Variants in CNTNAP5 observed in about 807,000 individuals in gnomAD.
CNTNAP5 encodes contactin-associated protein-like 5.
Under a neutral mutation model 150.2 loss-of-function variants are expected in CNTNAP5, and 72 were observed. The observed-to-expected ratio is 0.48, with a 90% CI of 0.40 to 0.58. The LOEUF (loss-of-function observed/expected upper bound fraction) is 0.58, where lower values mean the gene tolerates loss of function less well. Ranked by LOEUF, CNTNAP5 falls within the 20% of genes least tolerant of loss-of-function variation. CNTNAP5 has a pLI of 0.00. For synonymous variants in CNTNAP5, 672 were observed against 619.8 expected (o/e 1.08, Z -1.25); for missense variants, 1,636 against 1,626.2 (o/e 1.01, Z -0.10).
At chr2:124,246,024 C>T (rs900262450) in intron 3 of CNTNAP5, among the ~76,000 whole-genome samples, 51 of 152,002 alleles carry the variant, frequency 3.4e-4, no homozygotes, top group African/African-American at 8.0e-4. Context: ...CTTGAGCCAC[C>T]GCACCTGGCC....
At chr2:124,218,318 A>G (rs1171695107) in intron 1 of CNTNAP5, among the ~76,000 whole-genome samples, 1 of 152,148 alleles carries the variant, frequency 6.6e-6, no homozygotes, top group Non-Finnish European at 1.5e-5. Context: ...CTAATTTCAT[A>G]AGAGACTTGC....
intron 3 of CNTNAP5, among the ~76,000 whole-genome samples, chr2:124,406,619 A>G (rs930061449): frequency 6.6e-6 from 1 of 152,236 alleles, no homozygotes; most frequent in Non-Finnish European, 1.5e-5. Context: ...ATTTTGATAC[A>G]TACACAGAAT....
At chr2:124,690,747 G>A (rs537848903) in intron 13 of CNTNAP5, among the ~76,000 whole-genome samples, 3 of 151,960 alleles carry the variant, frequency 2.0e-5, no homozygotes, top group Non-Finnish European at 2.9e-5. Context: ...CCCCTCCTTA[G>A]GCATTAAGAT....
At chr2:124,681,376 G>A (rs1679066052) in intron 13 of CNTNAP5, among the ~76,000 whole-genome samples, 1 of 148,828 alleles carries the variant, frequency 6.7e-6, no homozygotes, top group Admixed American at 6.7e-5. Context: ...ATAATATCTT[G>A]TAACAACTCT....
chr2:124,537,293 G>A (rs1008324310), intron 10 of CNTNAP5, among the ~76,000 whole-genome samples: 17 of 152,106 alleles, frequency 1.1e-4, no homozygotes, highest in East Asian at 1.9e-4. Context: ...CACATTCTTC[G>A]GCAGGATTGT....
In CNTNAP5 at chr2:124,304,968, G is replaced by A. The variant is rs116140410; in HGVS notation, c.381+62575G>A. On this transcript the variant is annotated intron_variant, in intron 3 of 23. Transcript: ENST00000682447. Reference sequence around the variant, plus strand: ...GTTATCCCAGGAGTAAACAAAAGAGGAATAGTCACACTGCAGGCCACATGT... The same window carrying A: ...GTTATCCCAGGAGTAAACAAAAGAGAAATAGTCACACTGCAGGCCACATGT... 9.5e-3 allele frequency among the ~76,000 whole-genome samples: 1,451 copies of A among 152,020 alleles called. 13 individuals carry two copies. The highest frequency in any genetic ancestry group is 0.027 in the African/African-American group (1,116 of 41,440).
At position 124,362,638 on chromosome 2, in the gene CNTNAP5, A is replaced by G. The variant is rs540534966; in HGVS notation, c.382-54805A>G. ...TTATTTATGGGGCTGTGAAGGAATA[A>G]TCATTGTAGTACTGCCTGGATAACT... On this transcript the variant is annotated intron_variant, in intron 3 of 23. Transcript: ENST00000682447. Among the ~76,000 whole-genome samples, 9 of 152,284 alleles carry G rather than the reference A, an allele frequency of 5.9e-5. No individual in the cohort carries two copies. The South Asian group carries it at 1.9e-3, about 32-fold the overall frequency.
intron 12 of CNTNAP5, among the ~76,000 whole-genome samples, chr2:124,640,107 T>C (rs1453837189): frequency 1.3e-5 from 2 of 152,064 alleles, no homozygotes; most frequent in African/African-American, 2.4e-5. Context: ...ATACACTAGG[T>C]GTCTAAATTA....
rs75850892 is a variant in CNTNAP5 at position 124,355,766 on chromosome 2, T to C, written c.382-61677T>C. 5.4e-3 allele frequency among the ~76,000 whole-genome samples: 815 copies of C among 152,186 alleles called. 7 individuals are homozygous for C. Among genetic ancestry groups the C allele is most frequent in the Non-Finnish European group, 8.9e-3 (602 of 68,010 alleles). On this transcript the variant is annotated intron_variant, in intron 3 of 23. Coordinates refer to ENST00000682447, the MANE Select transcript of CNTNAP5 (RefSeq NM_001367498.1). ...TTTTCTGAGTTAAGGGATCTAAACA[T>C]AGAAAGGAAAGTTGGACATTTGTAA...
intron 7 of CNTNAP5, among the ~76,000 whole-genome samples, chr2:124,478,147 G>T: frequency 6.7e-6 from 1 of 148,220 alleles, no homozygotes. Context: ...AGGAACAAGA[G>T]AAAAAAAAAA....
chr2:124,592,441 A>T (rs11681388), intron 11 of CNTNAP5, among the ~76,000 whole-genome samples: 3 of 151,526 alleles, frequency 2.0e-5, no homozygotes, highest in Non-Finnish European at 4.4e-5. Context: ...ATAATTAGCA[A>T]TGATCCAATA....
At chr2:124,647,980 C>T in intron 13 of CNTNAP5, 22 bp downstream of exon 13, 1 of 1,572,624 alleles carries the variant, frequency 6.4e-7, no homozygotes, top group Non-Finnish European at 8.6e-7. Flanking sequence ...GCATGCATGA[C>T]CACAGTGGGA....
Position 124,920,047 on chromosome 2 carries a change from C to T in CNTNAP5, c.*5759C>T, listed in dbSNP as rs981105307. Among the ~76,000 whole-genome samples the T allele has an allele frequency of 6.6e-6, 1 of 152,076 alleles. No homozygotes were observed. Among genetic ancestry groups the T allele is most frequent in the Admixed American group, 6.6e-5 (1 of 15,258 alleles). ...CCTGACAACGAGTACCGCCAGGGACCTACCATCTAACACCATCTGGGAACA... is the reference window on the plus strand; with the variant it reads ...CCTGACAACGAGTACCGCCAGGGACTTACCATCTAACACCATCTGGGAACA... On this transcript the variant is annotated 3_prime_UTR_variant, in exon 24 of 24. Transcript: ENST00000682447.
intron 1 of CNTNAP5, among the ~76,000 whole-genome samples, chr2:124,073,032 T>C (rs1447262439): frequency 6.6e-6 from 1 of 151,926 alleles, no homozygotes; most frequent in African/African-American, 2.4e-5. Context: ...TGGAACAGAA[T>C]AGAGAACCCA....
chr2:124,383,609 C>T (rs1170258877), intron 3 of CNTNAP5, among the ~76,000 whole-genome samples: 2 of 152,142 alleles, frequency 1.3e-5, no homozygotes, highest in East Asian at 1.9e-4. Context: ...TAAACTCTGC[C>T]ATATGCTAGC....
chr2:124,188,924 G>T (rs1051967269), intron 1 of CNTNAP5, among the ~76,000 whole-genome samples: 8 of 151,984 alleles, frequency 5.3e-5, no homozygotes, highest in Non-Finnish European at 1.2e-4. Context: ...TCACATCTGG[G>T]TTTCTTAAAC....
chr2:124,215,201 C>G (rs1213908574), intron 1 of CNTNAP5, among the ~76,000 whole-genome samples: 1 of 152,070 alleles, frequency 6.6e-6, no homozygotes, highest in African/African-American at 2.4e-5. Flanking sequence ...TTTATCTCAC[C>G]TCTAAATACA....
At chr2:124,240,684 A>G (rs1469949527) in intron 2 of CNTNAP5, among the ~76,000 whole-genome samples, 1 of 152,102 alleles carries the variant, frequency 6.6e-6, no homozygotes, top group Admixed American at 6.6e-5. Context: ...AAAAATCAAA[A>G]CTTTTCTCAA....
intron 16 of CNTNAP5, among the ~76,000 whole-genome samples, chr2:124,767,241 G>C (rs1681087777): frequency 6.6e-6 from 1 of 152,126 alleles, no homozygotes; most frequent in Non-Finnish European, 1.5e-5. Context: ...TTCCAAGGTT[G>C]ATATATCCGA....
Sources: gnomAD v4.1 joint callset for allele counts (sites outside exome capture counted in the v4.1 genomes callset) on GRCh38, gnomAD v4.1.1 for gene constraint, MANE v1.5 for transcripts, NCBI Gene and HGNC (gene_info 2026-07-23, HGNC 2026-07-21) for gene names.